The following ANO10 variants were observed in gnomAD, a reference collection of about 807,000 sequenced individuals.
ANO10 encodes the protein anoctamin 10, also known as anoctamin-10.
In ANO10, 77 loss-of-function variants were observed where a neutral mutation model predicts 74.7. That is an observed-to-expected ratio of 1.03 (90% CI 0.86 to 1.25). The LOEUF is 1.25. Ranked by LOEUF, ANO10 falls within the 50% of genes most tolerant of loss-of-function variation. The probability of loss-of-function intolerance (pLI) is 0.00; values close to 1 mark genes in which losing one functional copy is unlikely to be tolerated. For synonymous variants in ANO10, 279 were observed against 284.9 expected (o/e 0.98, Z 0.21); for missense variants, 721 against 778.1 (o/e 0.93, Z 0.87).
chr3:43,668,884 T>A (rs2149576403), intron 1 of ANO10, among the ~76,000 whole-genome samples: 1 of 152,332 alleles, frequency 6.6e-6, no homozygotes, highest in South Asian at 2.1e-4. Context: ...CCATACTTTT[T>A]TTCGCTATTT....
chr3:43,417,524 G>C (rs1227594825), intron 12 of ANO10, among the ~76,000 whole-genome samples: 1 of 152,108 alleles, frequency 6.6e-6, no homozygotes, highest in South Asian at 2.1e-4. Context: ...ACTAGAGAGA[G>C]AGCTGTTTTC....
intron 4 of ANO10, among the ~76,000 whole-genome samples, chr3:43,596,477 A>C (rs928156959): frequency 1.3e-5 from 2 of 152,132 alleles, no homozygotes; most frequent in African/African-American, 2.4e-5. Context: ...CAACCATCTG[A>C]CCTTTGACAA....
intron 11 of ANO10, among the ~76,000 whole-genome samples, chr3:43,533,782 CT>C (rs2078576245): frequency 6.6e-6 from 1 of 152,180 alleles, no homozygotes; most frequent in Admixed American, 6.5e-5. Flanking sequence ...GGTCAAACTG[CT>C]TTGTAAAATA....
intron 11 of ANO10, among the ~76,000 whole-genome samples, chr3:43,516,489 T>C (rs1175693165): frequency 6.6e-6 from 1 of 152,214 alleles, no homozygotes; most frequent in African/African-American, 2.4e-5. Flanking sequence ...ACAGAGGACC[T>C]TGAATCCCTT....
intron 8 of ANO10, 152 bp downstream of exon 8, chr3:43,565,501 T>C: frequency 1.4e-6 from 1 of 731,768 alleles, no homozygotes; most frequent in Non-Finnish European, 2.2e-6. Flanking sequence ...ATGCCATTCC[T>C]AATAATTTTT....
intron 12 of ANO10, among the ~76,000 whole-genome samples, chr3:43,368,961 T>C (rs983557239): frequency 6.6e-6 from 1 of 152,244 alleles, no homozygotes; most frequent in African/African-American, 2.4e-5. Flanking sequence ...AATGGGAGCA[T>C]CTGAGGCTCC....
intron 7 of ANO10, among the ~76,000 whole-genome samples, chr3:43,568,622 GT>G (rs1260518032): frequency 6.7e-6 from 1 of 149,374 alleles, no homozygotes; most frequent in South Asian, 2.2e-4. Context: ...AAATAAAGAT[GT>G]TCTTTGAAAC....
intron 12 of ANO10, among the ~76,000 whole-genome samples, chr3:43,396,473 G>T (rs949986632): frequency 1.5e-4 from 23 of 151,830 alleles, no homozygotes; most frequent in African/African-American, 5.1e-4. Context: ...CAAGTAGCTG[G>T]GACTACAGGC....
intron 12 of ANO10, among the ~76,000 whole-genome samples, chr3:43,431,920 A>G (rs1559537679): frequency 1.3e-5 from 2 of 152,132 alleles, no homozygotes; most frequent in African/African-American, 4.8e-5. Flanking sequence ...GAGGCCAAAG[A>G]AGGAGTATGT....
intron 12 of ANO10, among the ~76,000 whole-genome samples, chr3:43,389,798 T>C (rs1437314606): frequency 1.3e-5 from 2 of 152,194 alleles, no homozygotes; most frequent in African/African-American, 2.4e-5. Context: ...CTGGTATCAG[T>C]ATCAAGACTT....
At chr3:43,517,512 T>A (rs1026857588) in intron 11 of ANO10, among the ~76,000 whole-genome samples, 1 of 152,262 alleles carries the variant, frequency 6.6e-6, no homozygotes, top group Non-Finnish European at 1.5e-5. Context: ...GGCCATGATA[T>A]GATAGGACTA....
intron 1 of ANO10, among the ~76,000 whole-genome samples, chr3:43,638,399 C>A (rs1179218267): frequency 6.6e-6 from 1 of 152,042 alleles, no homozygotes; most frequent in Non-Finnish European, 1.5e-5. Context: ...ATAATTACCC[C>A]TATTAAAGCA....
chr3:43,373,504 CA>C (rs1422688335), intron 12 of ANO10, among the ~76,000 whole-genome samples: 1 of 152,152 alleles, frequency 6.6e-6, no homozygotes, highest in African/African-American at 2.4e-5. Flanking sequence ...AAAGGGGAAA[CA>C]AAGGTGTAAT....
chr3:43,479,828 T>C (rs2076200630), intron 11 of ANO10, among the ~76,000 whole-genome samples: 1 of 152,196 alleles, frequency 6.6e-6, no homozygotes, highest in Non-Finnish European at 1.5e-5. Flanking sequence ...AGACACTCCT[T>C]GACCCCTCTC....
intron 7 of ANO10, among the ~76,000 whole-genome samples, chr3:43,572,779 T>C (rs1436908483): frequency 1.3e-5 from 2 of 152,174 alleles, no homozygotes; most frequent in Admixed American, 6.5e-5. Context: ...AAGGCTGCTA[T>C]GTGTACAGGT....
intron 4 of ANO10, among the ~76,000 whole-genome samples, chr3:43,588,917 G>A (rs1475430867): frequency 1.3e-5 from 2 of 152,130 alleles, no homozygotes; most frequent in African/African-American, 4.8e-5. Flanking sequence ...AATTCTCATG[G>A]TTGTTACAGA....
chr3:43,430,662 T>C (rs1331416598), intron 12 of ANO10, among the ~76,000 whole-genome samples: 1 of 152,154 alleles, frequency 6.6e-6, no homozygotes, highest in African/African-American at 2.4e-5. Flanking sequence ...TCTTCCCTAA[T>C]TTAAAATGTA....
chr3:43,445,839 A>G (rs2093236543), intron 11 of ANO10, among the ~76,000 whole-genome samples: 1 of 152,128 alleles, frequency 6.6e-6, no homozygotes, highest in African/African-American at 2.4e-5. Flanking sequence ...AGCTGGGACT[A>G]CAGGTGTGCA....
intron 11 of ANO10, chr3:43,485,741 G>A (rs2076456159): frequency 4.6e-6 from 1 of 219,384 alleles, no homozygotes; most frequent in East Asian, 1.6e-4. Flanking sequence ...ACTGAGATAC[G>A]AAGTACCAGA....
Sources: allele counts gnomAD v4.1 joint callset (sites outside exome capture counted in the v4.1 genomes callset), GRCh38; gene constraint gnomAD v4.1.1; transcripts MANE v1.5; gene names NCBI Gene and HGNC (gene_info 2026-07-23, HGNC 2026-07-21).